MS4A18: variants seen among roughly 807,000 people sequenced by gnomAD.
The protein encoded by MS4A18 is membrane-spanning 4-domains subfamily A member 18.
MS4A18 carries 27 observed loss-of-function variants against 13.1 expected under a neutral mutation model. The observed-to-expected ratio is 2.06, with a 90% CI of 1.52 to 2.84. MS4A18 has a LOEUF of 2.84. Among genes scored for constraint, MS4A18 ranks in the 30% most tolerant of loss-of-function variants. MS4A18 has a pLI of 0.00. For synonymous variants in MS4A18, 126 were observed against 76.5 expected, an observed-to-expected ratio of 1.65 and a Z score of -3.38; for missense variants, 307 against 196.4, an observed-to-expected ratio of 1.56 and a Z score of -3.37.
intron 2 of MS4A18, among the ~76,000 whole-genome samples, chr11:60,734,935 C>T (rs1406107600): frequency 2.0e-5 from 3 of 151,946 alleles, no homozygotes; most frequent in Non-Finnish European, 2.9e-5. Flanking sequence ...GCATGTGCCA[C>T]CATGCCCGGC....
Position 60,733,648 on chromosome 11 carries a change from G to A in MS4A18, c.591+1G>A, listed in dbSNP as rs185497153. The A allele has an allele frequency of 8.8e-5, 62 of 703,572 alleles. No homozygotes were observed. Among genetic ancestry groups the A allele is most frequent in the East Asian group, 3.5e-4 (13 of 37,288 alleles). 43.6% of individuals were successfully genotyped at this position (703,572 alleles called of 1,614,324 possible). A position where few individuals can be genotyped will look rare whatever the true frequency, so the allele number is the denominator to read the frequency against. On this transcript the variant is annotated splice_donor_variant, in intron 2 of 5. Transcript: ENST00000529108. LOFTEE classifies it high-confidence loss of function. ...GTACCCGCTCTGGGGAGGATTATCC[G>A]TGAGTACAAGGCCATATGGTCTCCT...
intron 3 of MS4A18, among the ~76,000 whole-genome samples, chr11:60,737,716 C>G (rs1853361714): frequency 6.6e-6 from 1 of 152,194 alleles, no homozygotes; most frequent in Non-Finnish European, 1.5e-5. Context: ...TCATCTCCTT[C>G]CTTCTCAGGT....
At position 60,730,890 on chromosome 11, in the gene MS4A18, C is replaced by T. The variant is rs190200373; in HGVS notation, c.477+1098C>T. On this transcript the variant is annotated intron_variant, in intron 1 of 5. Transcript: ENST00000529108. The stretch of plus-strand genomic sequence containing the variant: ...CAGGCAGATTACAAGGTCAGGAAAT[C>T]GAGACCATCCTGGCTAACATGGTGA... 2.6e-4 allele frequency among the ~76,000 whole-genome samples: 40 copies of T among 152,282 alleles called. No homozygotes were observed. The East Asian group carries it at 5.6e-3, about 21-fold the overall frequency.
chr11:60,741,560 CTGCTTGCATCACATT>C (rs1853415124), intron 5 of MS4A18, among the ~76,000 whole-genome samples: 1 of 152,176 alleles, frequency 6.6e-6, no homozygotes, highest in African/African-American at 2.4e-5. Flanking sequence ...CTTTAAGTCC[CTGCTTGCATCACATT>C]TGCTAATGTC....
At chr11:60,738,580 G>T (rs1378610029) in intron 3 of MS4A18, among the ~76,000 whole-genome samples, 2 of 152,166 alleles carry the variant, frequency 1.3e-5, no homozygotes, top group East Asian at 3.8e-4. Context: ...TTGGAGGAAA[G>T]AAAGGATCAG....
chr11:60,737,146 A>T (rs954188201), intron 3 of MS4A18, 112 bp downstream of exon 4: 2 of 678,222 alleles, frequency 2.9e-6, no homozygotes, highest in Non-Finnish European at 2.7e-6. Flanking sequence ...GGCCCTGGGT[A>T]CAGTGCATTT....
intron 1 of MS4A18, among the ~76,000 whole-genome samples, chr11:60,730,144 G>A (rs764819341): frequency 1.3e-5 from 2 of 152,192 alleles, no homozygotes; most frequent in African/African-American, 4.8e-5. Flanking sequence ...TTGCTGAGTG[G>A]CCTTGCAGAC....
chr11:60,728,539 G>A (rs1004269250), upstream of MS4A18, among the ~76,000 whole-genome samples: 3 of 150,600 alleles, frequency 2.0e-5, no homozygotes, highest in Admixed American at 2.0e-4. Flanking sequence ...CTGTGTATCT[G>A]TCTTCCTCCC....
At chr11:60,742,161 C>T (rs725426) in intron 5 of MS4A18, among the ~76,000 whole-genome samples, 5,119 of 152,286 alleles carry the variant, frequency 0.034, 277 homozygotes, top group African/African-American at 0.12. Context: ...TCTATTGCTT[C>T]CTGAGAGGAG....
downstream of MS4A18, chr11:60,744,278 T>G (rs1853454981): frequency 5.4e-6 from 2 of 369,146 alleles, no homozygotes; most frequent in Non-Finnish European, 9.9e-6. Flanking sequence ...TCCTGATGTA[T>G]GCTCACTGTT....
intron 1 of MS4A18, among the ~76,000 whole-genome samples, chr11:60,730,025 A>C (rs1223150132): frequency 2.0e-5 from 3 of 152,098 alleles, no homozygotes; most frequent in Non-Finnish European, 4.4e-5. Context: ...TAATCAGTGA[A>C]CATCCCCACC....
intron 5 of MS4A18, among the ~76,000 whole-genome samples, chr11:60,742,631 G>T (rs918367824): frequency 1.3e-5 from 2 of 152,212 alleles, no homozygotes; most frequent in African/African-American, 4.8e-5. Context: ...GGGCTGTATA[G>T]ACACATCCTT....
At chr11:60,736,153 G>T (rs1565060556) in intron 2 of MS4A18, among the ~76,000 whole-genome samples, 1 of 152,052 alleles carries the variant, frequency 6.6e-6, no homozygotes, top group Non-Finnish European at 1.5e-5. Context: ...AAGAGAGCTA[G>T]CAAAACCCCT....
intron 2 of MS4A18, among the ~76,000 whole-genome samples, chr11:60,734,194 T>C (rs149620568): frequency 1.3e-5 from 2 of 152,180 alleles, no homozygotes; most frequent in African/African-American, 4.8e-5. Flanking sequence ...AGGTGGAGGC[T>C]TCAGTGAGCC....
chr11:60,734,514 C>A (rs1853306901), intron 2 of MS4A18, among the ~76,000 whole-genome samples: 1 of 152,138 alleles, frequency 6.6e-6, no homozygotes, highest in African/African-American at 2.4e-5. Flanking sequence ...TAATCATTTA[C>A]CAGCAGGCCA....
upstream of MS4A18, among the ~76,000 whole-genome samples, chr11:60,726,582 G>A (rs144129016): frequency 6.6e-5 from 10 of 152,094 alleles, no homozygotes; most frequent in East Asian, 1.7e-3. Flanking sequence ...ACAAGTTCCC[G>A]GTGATACTGA....
At chr11:60,736,939 C>G (rs1391181645) in intron 2 of MS4A18, 39 bp from the exon 4 acceptor site, 2 of 690,348 alleles carry the variant, frequency 2.9e-6, no homozygotes, top group Non-Finnish European at 5.2e-6. Context: ...ACATGCTGCA[C>G]AATTGGTCAT....
chr11:60,743,530 C>T (rs1457627737), intron 5 of MS4A18, 120 bp from the exon 7 acceptor site: 1 of 627,624 alleles, frequency 1.6e-6, no homozygotes, highest in Non-Finnish European at 2.8e-6. Context: ...ATGACCAAGC[C>T]CAGCATCAGG....
At chr11:60,738,974 G>A (rs1021088018) in exon 4 of MS4A18, 1 of 703,154 alleles carries the variant, frequency 1.4e-6, no homozygotes, top group Non-Finnish European at 2.6e-6. Flanking sequence ...TATCATTACA[G>A]ATCTGAGCCT....
Sources: gnomAD v4.1 joint callset for allele counts (sites outside exome capture counted in the v4.1 genomes callset) on GRCh38, gnomAD v4.1.1 for gene constraint, MANE v1.5 for transcripts, NCBI Gene and HGNC (gene_info 2026-07-23, HGNC 2026-07-21) for gene names.